The following PDE4B variants were observed in gnomAD, a reference collection of about 807,000 sequenced individuals.
PDE4B encodes the protein phosphodiesterase 4B.
A neutral mutation model predicts 82.2 loss-of-function variants in PDE4B; 20 were observed. That is an observed-to-expected ratio of 0.24 (90% CI 0.17 to 0.35). PDE4B has a LOEUF of 0.35. Among genes scored for constraint, PDE4B ranks in the 10% least tolerant of loss-of-function variants. PDE4B has a pLI of 1.00. For synonymous variants in PDE4B, 320 were observed against 318.9 expected, an observed-to-expected ratio of 1.00 and a Z score of -0.04; for missense variants, 655 against 907.2, an observed-to-expected ratio of 0.72 and a Z score of 3.57.
chr1:66,190,837 G>T (rs932947463), intron 3 of PDE4B, among the ~76,000 whole-genome samples: 2 of 151,934 alleles, frequency 1.3e-5, no homozygotes, highest in African/African-American at 2.4e-5. Flanking sequence ...TGTGCTGCAC[G>T]TGCTGTCCTG....
At chr1:66,260,877 TCA>T (rs955545141) in intron 6 of PDE4B, among the ~76,000 whole-genome samples, 10 of 152,134 alleles carry the variant, frequency 6.6e-5, no homozygotes, top group African/African-American at 2.4e-4. Flanking sequence ...ACCCTTCAAA[TCA>T]CGGCCCCTTG....
At chr1:66,027,823 G>A (rs1379579174) in intron 3 of PDE4B, among the ~76,000 whole-genome samples, 2 of 152,348 alleles carry the variant, frequency 1.3e-5, no homozygotes, top group East Asian at 3.9e-4. Context: ...TCACACTGAT[G>A]CAAGGGGTGG....
rs561319229 is a variant in PDE4B at position 65,901,045 on chromosome 1, A to C, written c.-70-12200A>C. On this transcript the variant is annotated intron_variant, in intron 1 of 16. Coordinates refer to ENST00000341517, the MANE Select transcript of PDE4B (RefSeq NM_002600.4). ...TTGTCTTGCTTCTGTTCTTAAGGGGAGTGCTTCCAGCTTTTGCCCATTCAG... is the reference window on the plus strand; with the variant it reads ...TTGTCTTGCTTCTGTTCTTAAGGGGCGTGCTTCCAGCTTTTGCCCATTCAG... Among the ~76,000 whole-genome samples the C allele has an allele frequency of 6.6e-5, 10 of 152,110 alleles. No homozygotes were observed. In the South Asian group the frequency reaches 2.1e-3, roughly 32 times the overall value.
chr1:65,818,703 T>TATATATATAA (rs1191617809), intron 1 of PDE4B, among the ~76,000 whole-genome samples: 5 of 148,886 alleles, frequency 3.4e-5, no homozygotes, highest in South Asian at 2.1e-4. Context: ...TATATATATA[T>TATATATATAA]AAAATAACAA....
chr1:66,029,166 T>G (rs902167622), intron 3 of PDE4B, among the ~76,000 whole-genome samples: 1 of 152,212 alleles, frequency 6.6e-6, no homozygotes, highest in African/African-American at 2.4e-5. Flanking sequence ...TGAAAGGCAC[T>G]TCTTACATAG....
intron 1 of PDE4B, among the ~76,000 whole-genome samples, chr1:65,869,801 T>G (rs1448529329): frequency 2.0e-5 from 3 of 152,156 alleles, no homozygotes. Context: ...CCATGTTTTT[T>G]TTTTTTTTTT....
chr1:65,821,042 A>G (rs184089846), intron 1 of PDE4B, among the ~76,000 whole-genome samples: 3 of 152,302 alleles, frequency 2.0e-5, no homozygotes, highest in East Asian at 3.9e-4. Context: ...AAAGAATTTT[A>G]CCAACCCTGG....
intron 3 of PDE4B, among the ~76,000 whole-genome samples, chr1:66,200,981 T>C (rs1011729124): frequency 6.6e-6 from 1 of 152,142 alleles, no homozygotes; most frequent in Non-Finnish European, 1.5e-5. Context: ...TGGCTGTGGG[T>C]TTGTCATAGA....
In PDE4B at chr1:66,110,816, G is replaced by C. The variant is rs1022815666; in HGVS notation, c.282-136644G>C. ...TTATTTCTACTACAACTGCAACTAT[G>C]ATGAGGGTGATGACTATGACTGCTA... On this transcript the variant is annotated intron_variant, in intron 3 of 16. Transcript: ENST00000341517. Among the ~76,000 whole-genome samples, 4 of 152,064 alleles carry C rather than the reference G, an allele frequency of 2.6e-5. No individual in the cohort carries two copies. In the South Asian group the frequency reaches 8.3e-4, roughly 31 times the overall value.
chr1:66,041,827 C>T (rs201728997), intron 3 of PDE4B, among the ~76,000 whole-genome samples: 72 of 121,904 alleles, frequency 5.9e-4, no homozygotes, highest in African/African-American at 2.0e-3. Flanking sequence ...CACACACACA[C>T]ATACACACAC....
intron 13 of PDE4B, among the ~76,000 whole-genome samples, chr1:66,366,320 A>G (rs1663247365): frequency 6.6e-6 from 1 of 152,198 alleles, no homozygotes; most frequent in Non-Finnish European, 1.5e-5. Context: ...GGGAGTAGCA[A>G]TGACCTGAGT....
chr1:66,177,928 CA>C (rs1389997047), intron 3 of PDE4B, among the ~76,000 whole-genome samples: 2 of 150,938 alleles, frequency 1.3e-5, no homozygotes, highest in African/African-American at 4.9e-5. Flanking sequence ...GTCACATCAT[CA>C]AAAATCACTT....
chr1:66,273,269 A>T (rs1195608469), intron 7 of PDE4B, among the ~76,000 whole-genome samples: 1 of 152,190 alleles, frequency 6.6e-6, no homozygotes, highest in Non-Finnish European at 1.5e-5. Context: ...ATACACCAGG[A>T]TCTTCTTGCT....
At chr1:66,058,965 C>T (rs548392451) in intron 3 of PDE4B, among the ~76,000 whole-genome samples, 1 of 152,348 alleles carries the variant, frequency 6.6e-6, no homozygotes, top group South Asian at 2.1e-4. Flanking sequence ...CATTGTCAAG[C>T]TGCAAATTTT....
At chr1:66,232,371 G>GT (rs1557649813) in intron 3 of PDE4B, among the ~76,000 whole-genome samples, 1 of 152,070 alleles carries the variant, frequency 6.6e-6, no homozygotes, top group African/African-American at 2.4e-5. Context: ...CTGTTAAAAT[G>GT]TTTTTTTGCC....
At chr1:66,217,761 C>T (rs1403274808) in intron 3 of PDE4B, among the ~76,000 whole-genome samples, 1 of 152,096 alleles carries the variant, frequency 6.6e-6, no homozygotes, top group East Asian at 1.9e-4. Flanking sequence ...TTATTATCTA[C>T]TGACATTCCT....
chr1:66,212,565 T>C (rs909107760), intron 3 of PDE4B, among the ~76,000 whole-genome samples: 10 of 152,286 alleles, frequency 6.6e-5, no homozygotes, highest in African/African-American at 2.4e-4. Flanking sequence ...AAAGTGCTTT[T>C]CACTTTCTAA....
At chr1:65,967,570 G>A (rs753397646) in intron 3 of PDE4B, among the ~76,000 whole-genome samples, 15 of 152,170 alleles carry the variant, frequency 9.9e-5, no homozygotes, top group East Asian at 3.9e-4. Context: ...ACATGCACAC[G>A]TATGTTTATT....
Position 66,265,406 on chromosome 1 carries a change from C to T in PDE4B, c.585-632C>T, listed in dbSNP as rs1355794361. Among the ~76,000 whole-genome samples, 6 of 152,118 alleles carry T rather than the reference C, an allele frequency of 3.9e-5. No individual in the cohort carries two copies. In the East Asian group the frequency reaches 7.7e-4, roughly 20 times the overall value. Reference sequence around the variant, plus strand: ...AGAAACAAGAAAAAAGGAGGAGCCCCAGTACTATGGGAACATGGGTTTGCT... The same window carrying T: ...AGAAACAAGAAAAAAGGAGGAGCCCTAGTACTATGGGAACATGGGTTTGCT... On this transcript the variant is annotated intron_variant, in intron 6 of 16. Coordinates refer to ENST00000341517, the MANE Select transcript of PDE4B (RefSeq NM_002600.4).
Sources: allele counts gnomAD v4.1 joint callset (sites outside exome capture counted in the v4.1 genomes callset), GRCh38; gene constraint gnomAD v4.1.1; transcripts MANE v1.5; gene names NCBI Gene and HGNC (gene_info 2026-07-23, HGNC 2026-07-21).